Variants in NTAN1 observed in about 807,000 individuals in gnomAD.
The protein encoded by NTAN1 is protein N-terminal asparagine amidohydrolase.
Under a neutral mutation model 41.9 loss-of-function variants are expected in NTAN1, and 32 were observed. The ratio of observed to expected loss-of-function variants is 0.76; its 90% CI spans 0.58 to 1.03. NTAN1 has a LOEUF of 1.03. Among genes scored for constraint, NTAN1 ranks in the 50% least tolerant of loss-of-function variants. The probability of loss-of-function intolerance (pLI) is 0.00; values close to 1 mark genes in which losing one functional copy is unlikely to be tolerated. For synonymous variants in NTAN1, 140 were observed against 139.5 expected (o/e 1.00, Z -0.03); for missense variants, 377 against 377.5 (o/e 1.00, Z 0.01).
chr16:15,047,804 C>A, intron 3 of NTAN1, 51 bp downstream of exon 3: 1 of 1,443,362 alleles, frequency 6.9e-7, no homozygotes, highest in Non-Finnish European at 9.8e-7. Context: ...TCAATGGTCC[C>A]AAAGGTTGGG....
Position 15,038,031 on chromosome 16 carries a change from T to C in NTAN1, c.933A>G (p.Ter311=). ...LWEKISSPGS[*] The stretch of plus-strand genomic sequence containing the variant: ...TGCTTTCTTTGGTAATTCATGTTTT[T>C]TAACTTCCTGGAGAAGAGATCTTTT... Residue 311 remains the stop codon, a stop_retained_variant, in exon 10 of 10, where the codon TAA becomes TAG. Coordinates refer to ENST00000287706, the MANE Select transcript of NTAN1 (RefSeq NM_173474.4). 6.2e-7 allele frequency: 1 copy of C among 1,609,426 alleles called. No individual in the cohort carries two copies.
At position 15,041,611 on chromosome 16, in the gene NTAN1, G is replaced by T; in HGVS notation, c.487+12C>A. The T allele has an allele frequency of 6.2e-7, 1 of 1,601,148 alleles. No individual in the cohort carries two copies. The highest frequency in any genetic ancestry group is 8.6e-7 in the Non-Finnish European group (1 of 1,168,140). Reference sequence around the variant, plus strand: ...CCCACATCTTTGCTTTGGGGCAAATGGCAGGACTTACCTGTCACACATAAT... The same window carrying T: ...CCCACATCTTTGCTTTGGGGCAAATTGCAGGACTTACCTGTCACACATAAT... On this transcript the variant is annotated intron_variant, in intron 6 of 9. Transcript: ENST00000287706.
At chr16:15,041,358 C>G (rs907580134) in intron 6 of NTAN1, among the ~76,000 whole-genome samples, 1 of 152,050 alleles carries the variant, frequency 6.6e-6, no homozygotes, top group Non-Finnish European at 1.5e-5. Flanking sequence ...CTCTGTGCAC[C>G]CTGTCTGCCA....
At chr16:15,040,743 C>T (rs1175143160) in intron 7 of NTAN1, among the ~76,000 whole-genome samples, 1 of 152,100 alleles carries the variant, frequency 6.6e-6, no homozygotes, top group Non-Finnish European at 1.5e-5. Flanking sequence ...GAAAAGCACG[C>T]CGGGCCTGGG....
intron 5 of NTAN1, 104 bp downstream of exon 5, chr16:15,044,222 CCAAGTGGG>C: frequency 2.8e-6 from 2 of 703,334 alleles, no homozygotes; most frequent in Admixed American, 4.2e-5. Flanking sequence ...CTGTGCTGCT[CCAAGTGGG>C]TGTGCCCTTC....
intron 1 of NTAN1, among the ~76,000 whole-genome samples, chr16:15,048,695 C>T (rs2044177620): frequency 6.6e-6 from 1 of 152,214 alleles, no homozygotes; most frequent in Non-Finnish European, 1.5e-5. Context: ...ACAATTTCAA[C>T]TCACTGCAGC....
Position 15,039,973 on chromosome 16 carries a change from C to T in NTAN1, c.635G>A (p.Gly212Glu). The T allele has an allele frequency of 1.9e-6, 3 of 1,575,444 alleles. No homozygotes were observed. Among genetic ancestry groups the T allele is most frequent in the Non-Finnish European group, 1.7e-6 (2 of 1,148,260 alleles). Residue 212 changes from glycine to glutamate, a missense_variant, in exon 8 of 10, where the codon GGA becomes GAA. Coordinates refer to ENST00000287706, the MANE Select transcript of NTAN1 (RefSeq NM_173474.4). ...CAAAGATGATTTGAAACTCACTGGT[C>T]CTCCTGCTAAAGTTCGCGCAGCACG... ...QLRAARTLAG[G>E]PMISIYDAET...
chr16:15,047,855 C>G lies in NTAN1; in HGVS notation c.250G>C (p.Gly84Arg). ...GTTTCCTTCACCTCTCTCATCATAC[C>G]TGTGTGCCTCAGGACCACAATGTGA... ...TCHIVVLRHT[G>R]NGATCLTHCD... is the part of the protein sequence containing the mutation. The change falls in exon 3 of 10, where the codon GGT becomes CGT. Residue 84 changes from glycine (G) to arginine (R), a missense_variant and splice_region_variant. Coordinates refer to ENST00000287706, the MANE Select transcript of NTAN1 (RefSeq NM_173474.4). 1.9e-6 allele frequency: 3 copies of G among 1,609,972 alleles called. No individual in the cohort carries two copies. The highest frequency in any genetic ancestry group is 2.6e-6 in the Non-Finnish European group (3 of 1,176,182).
At chr16:15,041,022 C>T (rs1193944666) in intron 7 of NTAN1, 46 bp downstream of exon 7, 3 of 1,290,150 alleles carry the variant, frequency 2.3e-6, no homozygotes, top group African/African-American at 2.9e-5. Context: ...ACTTTAACTG[C>T]ACATGTGACC....
At chr16:15,039,035 A>G (rs946703385) in intron 8 of NTAN1, among the ~76,000 whole-genome samples, 2 of 152,192 alleles carry the variant, frequency 1.3e-5, no homozygotes, top group Non-Finnish European at 1.5e-5. Context: ...GCTTCTGACT[A>G]AAGTCTGTGT....
intron 5 of NTAN1, among the ~76,000 whole-genome samples, chr16:15,042,265 A>G (rs1206510875): frequency 6.8e-6 from 1 of 146,458 alleles, no homozygotes; most frequent in Admixed American, 7.1e-5. Context: ...TGCTCATCGC[A>G]GTCTCCACCT....
intron 1 of NTAN1, among the ~76,000 whole-genome samples, chr16:15,055,411 G>A (rs1382258681): frequency 6.6e-6 from 1 of 152,182 alleles, no homozygotes; most frequent in African/African-American, 2.4e-5. Flanking sequence ...GAAGGACTGG[G>A]GGTCCCCGCC....
At chr16:15,048,156 T>C in intron 1 of NTAN1, 57 bp from the exon 2 acceptor site, 1 of 1,296,406 alleles carries the variant, frequency 7.7e-7, no homozygotes, top group Non-Finnish European at 1.1e-6. Context: ...ATGGAAAAAC[T>C]AAAGATGTGG....
At chr16:15,042,277 C>T (rs2043852518) in intron 5 of NTAN1, among the ~76,000 whole-genome samples, 1 of 151,470 alleles carries the variant, frequency 6.6e-6, no homozygotes, top group Non-Finnish European at 1.5e-5. Flanking sequence ...TCTCCACCTC[C>T]CAGGTTCAAG....
rs2044504922 is a variant in NTAN1 at position 15,056,038 on chromosome 16, C to T, written c.-67G>A. On this transcript the variant is annotated 5_prime_UTR_variant, in exon 1 of 10. Transcript: ENST00000287706. Reference sequence around the variant, plus strand: ...CCCCCGCTTTGCAGCCCCGGGCCGCCCGCCGCCCCCGCCCCTCGGGCCGCG... The same window carrying T: ...CCCCCGCTTTGCAGCCCCGGGCCGCTCGCCGCCCCCGCCCCTCGGGCCGCG... The T allele has an allele frequency of 1.5e-6, 1 of 671,220 alleles. No homozygotes were observed. Among genetic ancestry groups the T allele is most frequent in the Non-Finnish European group, 1.9e-6 (1 of 519,982 alleles). The allele number at this position is 671,220 out of a possible 1,614,324, so 41.6% of individuals were successfully genotyped here.
intron 1 of NTAN1, among the ~76,000 whole-genome samples, chr16:15,048,829 C>T (rs1387366996): frequency 6.9e-6 from 1 of 145,114 alleles, no homozygotes; most frequent in Non-Finnish European, 1.5e-5. Flanking sequence ...TCCCTATGCT[C>T]CCCAGGCTGG....
Position 15,040,071 on chromosome 16 carries a change from G to T in NTAN1, c.542-5C>A, listed in dbSNP as rs747411444. On this transcript the variant is annotated splice_polypyrimidine_tract_variant and splice_region_variant and intron_variant, in intron 7 of 9. Transcript: ENST00000287706. ...CTGCAGTCTTAATGTTGACAGCTGT[G>T]AGGGACAACAGGATGACTCTGAATT... 1.2e-5 allele frequency: 18 copies of T among 1,541,706 alleles called. No individual in the cohort carries two copies. The highest frequency in any genetic ancestry group is 1.4e-5 in the Non-Finnish European group (16 of 1,116,078).
At chr16:15,039,861 A>G (rs2043730191) in intron 8 of NTAN1, 108 bp downstream of exon 8, 1 of 690,622 alleles carries the variant, frequency 1.4e-6, no homozygotes, top group Non-Finnish European at 2.6e-6. Context: ...ATGTACGGCT[A>G]TAAAGAAGCT....
chr16:15,047,464 A>G lies in NTAN1; in HGVS notation c.337T>C (p.Ser113Pro). ...PLIMNSIKSF[S>P]DHAQCGRLEV... ...CACCTTCCACATTGAGCGTGGTCAG[A>G]AAAGGATTTTATGGAGTTCATGATC... The change falls in exon 4 of 10, where the codon TCT (serine) becomes CCT (proline). Residue 113 changes from serine (S) to proline (P), a missense_variant. Coordinates refer to ENST00000287706, the MANE Select transcript of NTAN1 (RefSeq NM_173474.4). 1.2e-6 allele frequency: 2 copies of G among 1,612,182 alleles called. No individual in the cohort carries two copies. Among genetic ancestry groups the G allele is most frequent in the Non-Finnish European group, 1.7e-6 (2 of 1,178,168 alleles).
Sources: gnomAD v4.1 joint callset for allele counts (sites outside exome capture counted in the v4.1 genomes callset) on GRCh38, gnomAD v4.1.1 for gene constraint, MANE v1.5 for transcripts, NCBI Gene and HGNC (gene_info 2026-07-23, HGNC 2026-07-21) for gene names.